The following DACH2 variants were observed in gnomAD, a reference collection of about 807,000 sequenced individuals.
DACH2 encodes the protein dachshund homolog 2.
DACH2 carries 17 observed loss-of-function variants against 35.8 expected under a neutral mutation model. The ratio of observed to expected loss-of-function variants is 0.48; its 90% CI spans 0.33 to 0.71. The LOEUF (loss-of-function observed/expected upper bound fraction) is 0.71. Ranked by LOEUF, DACH2 falls within the 30% of genes least tolerant of loss-of-function variation. DACH2 has a pLI of 0.02. For synonymous variants in DACH2, 195 were observed against 177.3 expected, an observed-to-expected ratio of 1.10 and a Z score of -0.79; for missense variants, 469 against 472.7, an observed-to-expected ratio of 0.99 and a Z score of 0.07.
intron 1 of DACH2, among the ~76,000 whole-genome samples, chrX:86,247,143 G>T (rs2033302134): frequency 8.9e-6 from 1 of 111,734 alleles, no homozygotes; most frequent in Non-Finnish European, 1.9e-5. Flanking sequence ...ATATTTATAT[G>T]CATCTAACAC....
chrX:86,802,492 T>C (rs1187768883), intron 7 of DACH2, among the ~76,000 whole-genome samples: 5 of 101,360 alleles, frequency 4.9e-5, no homozygotes, highest in Non-Finnish European at 7.9e-5. Flanking sequence ...CTTCCTGATC[T>C]GTGCCAGATT....
chrX:86,637,206 CAAAAAAAAAAAAAAAAAAAAAAAAA>C (rs772970002), intron 3 of DACH2, among the ~76,000 whole-genome samples: 39 of 7,755 alleles, frequency 5.0e-3, no homozygotes, highest in African/African-American at 0.013. Context: ...ACTGAAAAGC[CAAAAAAAAAAAAAAAAAAAAAAAAA>C]AAAAAAAAAA....
intron 2 of DACH2, among the ~76,000 whole-genome samples, chrX:86,402,803 C>CA (rs747416756): frequency 1.5e-4 from 17 of 111,420 alleles, no homozygotes; most frequent in Non-Finnish European, 1.3e-4. Context: ...CTACAGTAAC[C>CA]AAAAAAAGCA....
chrX:86,581,717 G>A (rs1444244025), intron 3 of DACH2, among the ~76,000 whole-genome samples: 1 of 111,484 alleles, frequency 9.0e-6, no homozygotes, highest in Non-Finnish European at 1.9e-5. Flanking sequence ...CCCAACACAA[G>A]AGCACTCAGA....
At chrX:86,329,114 G>A (rs904081385) in intron 1 of DACH2, among the ~76,000 whole-genome samples, 3 of 111,056 alleles carry the variant, frequency 2.7e-5, no homozygotes, top group Non-Finnish European at 5.7e-5. Flanking sequence ...TGATGAGGGT[G>A]GAAAAATTAT....
intron 3 of DACH2, among the ~76,000 whole-genome samples, chrX:86,566,776 T>G (rs2039298391): frequency 9.0e-6 from 1 of 111,435 alleles, no homozygotes; most frequent in Non-Finnish European, 1.9e-5. Flanking sequence ...TGTTTCAAAA[T>G]AATTTCACAT....
intron 3 of DACH2, among the ~76,000 whole-genome samples, chrX:86,644,840 GCTGGGATAA>G (rs1269548261): frequency 9.0e-6 from 1 of 111,281 alleles, no homozygotes; most frequent in African/African-American, 3.3e-5. Context: ...CATAAATGGT[GCTGGGATAA>G]CTGGGCTAGT....
rs140517136 is a variant in DACH2, at chrX:86,530,808, G to C, written c.640+16417G>C. 4.7e-3 allele frequency among the ~76,000 whole-genome samples: 525 copies of C among 111,926 alleles called. 1 individual carries two copies. The highest frequency in any genetic ancestry group is 7.8e-3 in the South Asian group (21 of 2,679). On this transcript the variant is annotated intron_variant, in intron 3 of 11. Transcript: ENST00000373125. ...AGGGCTCAGAAGAAGACAGGAAGATGAGGTAAAATCTGGGGCTTCCTAGAG... is the reference window on the plus strand; with the variant it reads ...AGGGCTCAGAAGAAGACAGGAAGATCAGGTAAAATCTGGGGCTTCCTAGAG...
intron 2 of DACH2, among the ~76,000 whole-genome samples, chrX:86,445,746 T>C (rs1332562083): frequency 1.8e-5 from 2 of 110,615 alleles, no homozygotes; most frequent in Non-Finnish European, 3.8e-5. Flanking sequence ...TTCAATCTCT[T>C]AAATAGGTTA....
At chrX:86,610,323 T>G (rs982535737) in intron 3 of DACH2, among the ~76,000 whole-genome samples, 1 of 110,101 alleles carries the variant, frequency 9.1e-6, no homozygotes, top group Non-Finnish European at 1.9e-5. Context: ...TTCTTTCTCC[T>G]TCCTTCCTTC....
intron 1 of DACH2, among the ~76,000 whole-genome samples, chrX:86,180,515 A>G (rs1395988180): frequency 9.1e-6 from 1 of 110,253 alleles, no homozygotes; most frequent in African/African-American, 3.3e-5. Context: ...AAATTTGTGG[A>G]TTGGAACAGA....
chrX:86,431,673 A>C (rs772511975), intron 2 of DACH2, among the ~76,000 whole-genome samples: 1 of 111,920 alleles, frequency 8.9e-6, no homozygotes, highest in Non-Finnish European at 1.9e-5. Context: ...GCAATATAAT[A>C]ACAGTGTAAT....
intron 3 of DACH2, among the ~76,000 whole-genome samples, chrX:86,641,667 T>C (rs138629455): frequency 9.0e-6 from 1 of 111,695 alleles, no homozygotes; most frequent in African/African-American, 3.3e-5. Flanking sequence ...TTTTCCAAGA[T>C]TGAAATGAAA....
intron 2 of DACH2, among the ~76,000 whole-genome samples, chrX:86,488,380 A>G (rs2038047860): frequency 9.0e-6 from 1 of 110,723 alleles, no homozygotes; most frequent in Non-Finnish European, 1.9e-5. Context: ...ACTCTTGTCT[A>G]TGGTTTCATT....
At chrX:86,720,131 G>T (rs2041387313) in intron 6 of DACH2, among the ~76,000 whole-genome samples, 1 of 107,348 alleles carries the variant, frequency 9.3e-6, no homozygotes, top group Admixed American at 1.0e-4. Flanking sequence ...TAGAGACGGG[G>T]TTTCACTGTG....
At chrX:86,566,705 AC>A (rs1306536718) in intron 3 of DACH2, among the ~76,000 whole-genome samples, 1 of 104,229 alleles carries the variant, frequency 9.6e-6, no homozygotes, top group East Asian at 3.1e-4. Context: ...ACTGTTCTGT[AC>A]ATGCAAGTGT....
In DACH2 at chrX:86,811,769, G is replaced by C. The variant is rs139749880; in HGVS notation, c.1241-1087G>C. ...TTACAGAAGAAAATTTATCTAATTCGTACAGGTCATATGAAAGACTGTCAG... is the reference window on the plus strand; with the variant it reads ...TTACAGAAGAAAATTTATCTAATTCCTACAGGTCATATGAAAGACTGTCAG... On this transcript the variant is annotated intron_variant, in intron 7 of 11. Coordinates refer to ENST00000373125, the MANE Select transcript of DACH2 (RefSeq NM_053281.3). 5.6e-3 allele frequency among the ~76,000 whole-genome samples: 627 copies of C among 111,693 alleles called. 3 individuals are homozygous for C. Among genetic ancestry groups the C allele is most frequent in the African/African-American group, 0.02 (602 of 30,820 alleles).
At chrX:86,610,410 TTTCTTTC>T (rs1171709449) in intron 3 of DACH2, among the ~76,000 whole-genome samples, 1 of 77,473 alleles carries the variant, frequency 1.3e-5, no homozygotes, top group Non-Finnish European at 2.4e-5. Flanking sequence ...TCTTTCTTTC[TTTCTTTC>T]TTTTCTTTCT....
chrX:86,494,186 G>A (rs780831611), intron 2 of DACH2, among the ~76,000 whole-genome samples: 1 of 112,336 alleles, frequency 8.9e-6, no homozygotes, highest in East Asian at 2.8e-4. Context: ...ACAGGAAGAT[G>A]TAGCTATGAC....
Sources: gnomAD v4.1 joint callset for allele counts (sites outside exome capture counted in the v4.1 genomes callset) on GRCh38, gnomAD v4.1.1 for gene constraint, MANE v1.5 for transcripts, NCBI Gene and HGNC (gene_info 2026-07-23, HGNC 2026-07-21) for gene names.